The following EMSY variants were observed in gnomAD, a reference collection of about 807,000 sequenced individuals.
EMSY encodes EMSY transcriptional repressor, BRCA2 interacting, also known as BRCA2-interacting transcriptional repressor EMSY.
EMSY carries 26 observed loss-of-function variants against 134.6 expected under a neutral mutation model. The observed-to-expected ratio is 0.19, with a 90% CI of 0.14 to 0.27. The LOEUF (loss-of-function observed/expected upper bound fraction) is 0.27, where lower values mean the gene tolerates loss of function less well. Among genes scored for constraint, EMSY ranks in the 10% least tolerant of loss-of-function variants. EMSY has a pLI of 1.00. For missense variants in EMSY, 1,305 were observed against 1,611.4 expected, an observed-to-expected ratio of 0.81 and a Z score of 3.26; for synonymous variants, 579 against 577.8, an observed-to-expected ratio of 1.00 and a Z score of -0.03.
At chr11:76,472,700 T>C (rs766555991) in exon 8 of EMSY, 2 of 1,614,104 alleles carry the variant, frequency 1.2e-6, no homozygotes, top group African/African-American at 2.7e-5. Context: ...CCAGTTGTTA[T>C]AACTGCTTCA....
chr11:76,491,633 T>G (rs1949428445), intron 8 of EMSY, among the ~76,000 whole-genome samples: 1 of 152,248 alleles, frequency 6.6e-6, no homozygotes, highest in South Asian at 2.1e-4. Flanking sequence ...AGCCACCGTT[T>G]CCTACGGATA....
intron 7 of EMSY, among the ~76,000 whole-genome samples, chr11:76,465,229 C>T (rs1948300691): frequency 6.6e-6 from 1 of 152,100 alleles, no homozygotes; most frequent in South Asian, 2.1e-4. Flanking sequence ...TTTCTCATTT[C>T]CATTTTCCAT....
intron 20 of EMSY, among the ~76,000 whole-genome samples, chr11:76,548,315 T>C (rs984193786): frequency 1.7e-4 from 26 of 152,356 alleles, no homozygotes; most frequent in African/African-American, 6.0e-4. Context: ...ACATGTTTGA[T>C]ATTAAATGCT....
intron 9 of EMSY, among the ~76,000 whole-genome samples, chr11:76,500,896 C>A (rs755555716): frequency 6.6e-6 from 1 of 152,200 alleles, no homozygotes; most frequent in African/African-American, 2.4e-5. Context: ...TGAGGGGAAA[C>A]CAGTACCCAG....
chr11:76,515,562 C>T (rs1950423603), intron 10 of EMSY, among the ~76,000 whole-genome samples: 1 of 152,046 alleles, frequency 6.6e-6, no homozygotes, highest in Admixed American at 6.6e-5. Context: ...GAGAAATATT[C>T]CTGGCAACTC....
At position 76,506,067 on chromosome 11, in the gene EMSY, G is replaced by A. The variant is rs115209241; in HGVS notation, c.1364-7319G>A. The stretch of plus-strand genomic sequence containing the variant: ...TTGTAGTCTCAGCTGAGGCTAAGGC[G>A]GCAGAATTGCCTGGTGTACTTAAGC... On this transcript the variant is annotated intron_variant, in intron 9 of 20. Coordinates refer to ENST00000334736, the Ensembl canonical transcript of EMSY. 4.3e-3 allele frequency among the ~76,000 whole-genome samples: 647 copies of A among 151,956 alleles called. 2 individuals carry two copies. The highest frequency in any genetic ancestry group is 0.015 in the African/African-American group (624 of 41,472).
intron 2 of EMSY, among the ~76,000 whole-genome samples, chr11:76,451,431 G>A (rs1183136911): frequency 6.6e-6 from 1 of 152,198 alleles, no homozygotes; most frequent in Non-Finnish European, 1.5e-5. Flanking sequence ...TTACACAGGA[G>A]GGAGGTAGAA....
intron 14 of EMSY, 134 bp downstream of exon 15, chr11:76,528,600 T>A: frequency 3.2e-6 from 2 of 631,674 alleles, no homozygotes; most frequent in Non-Finnish European, 5.1e-6. Flanking sequence ...TTTTTTTTTT[T>A]TTTATTGTTT....
chr11:76,530,962 A>G (rs898313145), intron 14 of EMSY, among the ~76,000 whole-genome samples: 3 of 152,212 alleles, frequency 2.0e-5, no homozygotes, highest in Admixed American at 1.3e-4. Context: ...ATTACAGAAC[A>G]GTTGCAAGAA....
intron 7 of EMSY, 95 bp from the exon 9 acceptor site, chr11:76,472,469 A>C: frequency 9.1e-6 from 11 of 1,207,424 alleles, no homozygotes; most frequent in Non-Finnish European, 1.3e-5. Context: ...TTCGTTTTTC[A>C]TAAGCTATTT....
intron 8 of EMSY, among the ~76,000 whole-genome samples, chr11:76,494,736 T>TTTCC (rs1483229500): frequency 1.6e-5 from 2 of 128,006 alleles, no homozygotes; most frequent in African/African-American, 5.7e-5. Context: ...CCTTCCTTCC[T>TTTCC]TTCCTTCCTT....
intron 12 of EMSY, 136 bp downstream of exon 13, chr11:76,523,427 CT>C (rs752410983): frequency 5.2e-6 from 5 of 963,704 alleles, no homozygotes; most frequent in East Asian, 5.5e-5. Context: ...GATATAACAA[CT>C]GTTAAAGCAC....
Position 76,464,072 on chromosome 11 carries a change from A to G in EMSY, c.823A>G (p.Thr275Ala), listed in dbSNP as rs965599952. 1.9e-6 allele frequency: 3 copies of G among 1,613,986 alleles called. No homozygotes were observed. The African/African-American group carries it at 4.0e-5, about 22-fold the overall frequency. ...ATCAACACAGACAACAAACACAACA[A>G]CACAGAAGGTATGTGGTGGAGGGAG... Residue 275 changes from threonine to alanine, a missense_variant, in exon 7 of 21, where the codon ACA becomes GCA. This residue lies in a region of EMSY where 205 missense variants were observed against 268.6 expected (regional missense o/e 0.76). Coordinates refer to ENST00000334736, the Ensembl canonical transcript of EMSY.
chr11:76,513,498 T>C, exon 10 of EMSY: 1 of 1,613,574 alleles, frequency 6.2e-7, no homozygotes, highest in Non-Finnish European at 8.5e-7. Context: ...GCAGTAATGG[T>C]GCAATTATGA....
chr11:76,495,111 A>G (rs1434066191), intron 8 of EMSY, among the ~76,000 whole-genome samples: 1 of 152,222 alleles, frequency 6.6e-6, no homozygotes, highest in African/African-American at 2.4e-5. Flanking sequence ...CAGGGCAAGG[A>G]AAAATTCAAC....
intron 17 of EMSY, among the ~76,000 whole-genome samples, chr11:76,540,400 C>G (rs1001824973): frequency 6.6e-6 from 1 of 151,514 alleles, no homozygotes; most frequent in Non-Finnish European, 1.5e-5. Flanking sequence ...ATCTTTTTTT[C>G]GATTATGTTG....
chr11:76,550,154 A>G, exon 21 of EMSY: 2 of 1,601,692 alleles, frequency 1.2e-6, no homozygotes, highest in Non-Finnish European at 1.7e-6. Context: ...TAGTGTTTGG[A>G]CACAATAGTG....
rs1951581698 is a variant in EMSY at position 76,544,820 on chromosome 11, C to T, written c.3271C>T (p.Gln1091Ter). 1 of 1,613,510 alleles carries T rather than the reference C, an allele frequency of 6.2e-7. No homozygotes were observed. Among genetic ancestry groups the T allele is most frequent in the African/African-American group, 1.3e-5 (1 of 74,812 alleles). The change falls in exon 19 of 21, where the codon CAG becomes TAG. Residue 1091 changes from glutamine to a stop codon, truncating the protein, a stop_gained and splice_region_variant. Coordinates refer to ENST00000334736, the Ensembl canonical transcript of EMSY. LOFTEE classifies it high-confidence loss of function. Reference sequence around the variant, plus strand: ...TTCTTCAGAGAAACAGACGGCAAGCCAGGTAACGGAATATTGATAGCATGC... The same window carrying T: ...TTCTTCAGAGAAACAGACGGCAAGCTAGGTAACGGAATATTGATAGCATGC...
chr11:76,542,754 T>TTTTTTG (rs1555077831), intron 18 of EMSY, among the ~76,000 whole-genome samples: 12,911 of 129,996 alleles, frequency 0.099, 1,276 homozygotes, highest in African/African-American at 0.26. Context: ...TCGTTTTTTG[T>TTTTTTG]TTTTTTTTTT....
Sources: allele counts gnomAD v4.1 joint callset (sites outside exome capture counted in the v4.1 genomes callset), GRCh38; gene constraint gnomAD v4.1.1; regional missense constraint gnomAD v4.1.1; transcripts MANE v1.5; gene names NCBI Gene and HGNC (gene_info 2026-07-23, HGNC 2026-07-21).